Variants in RPS12 observed in about 807,000 individuals in gnomAD.
RPS12 encodes small ribosomal subunit protein eS12.
RPS12 carries 1 observed loss-of-function variant against 17.2 expected under a neutral mutation model. The observed-to-expected ratio is 0.06, with a 90% CI of 0.02 to 0.28. RPS12 has a LOEUF of 0.28. Ranked by LOEUF, RPS12 falls within the 10% of genes least tolerant of loss-of-function variation. The probability of loss-of-function intolerance (pLI) is 1.00; values close to 1 mark genes in which losing one functional copy is unlikely to be tolerated. For synonymous variants in RPS12, 67 were observed against 54.0 expected (o/e 1.24, Z -1.06); for missense variants, 146 against 162.1 (o/e 0.90, Z 0.54).
intron 3 of RPS12, chr6:132,815,395 C>CT (rs765460044): frequency 5.2e-6 from 3 of 572,352 alleles, no homozygotes; most frequent in Non-Finnish European, 1.0e-5. Context: ...GGTTGTGGAG[C>CT]TAGTCAGTCT....
intron 3 of RPS12, chr6:132,815,987 A>G (rs1782048692): frequency 4.5e-6 from 2 of 442,204 alleles, no homozygotes; most frequent in South Asian, 3.2e-5. Context: ...ACACGCCACC[A>G]TGCCCAGCTA....
At chr6:132,817,234 T>A (rs769599380) in intron 5 of RPS12, 173 bp downstream of exon 5, 1 of 768,720 alleles carries the variant, frequency 1.3e-6, no homozygotes, top group South Asian at 1.4e-5. Flanking sequence ...AGCCAATGAA[T>A]CTGCTTACCT....
chr6:132,816,617 G>A, intron 4 of RPS12, 54 bp downstream of exon 4: 1 of 1,204,334 alleles, frequency 8.3e-7, no homozygotes. Flanking sequence ...CTTGTATATG[G>A]GGGTAAATTC....
intron 3 of RPS12, 50 bp from the exon 4 acceptor site, chr6:132,816,411 G>T: frequency 7.2e-7 from 1 of 1,386,728 alleles, no homozygotes; most frequent in Non-Finnish European, 1.0e-6. Context: ...CAAGAATGAT[G>T]GATTTGGATC....
rs780198350 is a variant in RPS12, at chr6:132,817,203, A to G, written c.336+142A>G. On this transcript the variant is annotated intron_variant, in intron 5 of 5. Coordinates refer to ENST00000230050, the MANE Select transcript of RPS12 (RefSeq NM_001016.4). ...ATTTTCTGCATTTCAGGAAAAAAATAAAAGCTGTAATTTACAAGCCAGCCA... is the reference window on the plus strand; with the variant it reads ...ATTTTCTGCATTTCAGGAAAAAAATGAAAGCTGTAATTTACAAGCCAGCCA... 5 of 779,432 alleles carry G rather than the reference A, an allele frequency of 6.4e-6. No individual in the cohort carries two copies. The East Asian group carries it at 1.2e-4, about 19-fold the overall frequency. 48.3% of individuals were successfully genotyped at this position (779,432 alleles called of 1,614,324 possible).
rs905882169 is a variant in RPS12 at position 132,814,633 on chromosome 6, AG to A, written c.-38+26del. ...CTTGGGGTAAGTTGAGCGAGGCGGCAGGGGGGTGTATTGGTTATAATTTGTG... is the reference window on the plus strand; with the variant it reads ...CTTGGGGTAAGTTGAGCGAGGCGGCAGGGGGTGTATTGGTTATAATTTGTG... On this transcript the variant is annotated intron_variant, in intron 1 of 5. Coordinates refer to ENST00000230050, the MANE Select transcript of RPS12 (RefSeq NM_001016.4). 2.0e-5 allele frequency: 21 copies of A among 1,058,796 alleles called. No homozygotes were observed. The highest frequency in any genetic ancestry group is 2.0e-4 in the Middle Eastern group (1 of 4,954). The allele number at this position is 1,058,796 out of a possible 1,614,324, so 65.6% of individuals were successfully genotyped here.
chr6:132,816,754 C>T (rs141593134), intron 4 of RPS12, 191 bp downstream of exon 4: 4 of 767,182 alleles, frequency 5.2e-6, no homozygotes, highest in South Asian at 2.7e-5. Context: ...CTAATTTTGA[C>T]GTTGGTATAC....
rs752118332 is a variant in RPS12, at chr6:132,817,468, G to A, written c.337-12G>A. 1.3e-6 allele frequency: 2 copies of A among 1,552,670 alleles called. No homozygotes were observed. The highest frequency in any genetic ancestry group is 3.4e-5 in the Admixed American group (2 of 59,238). On this transcript the variant is annotated splice_polypyrimidine_tract_variant and intron_variant, in intron 5 of 5. Transcript: ENST00000230050. ...TAACAAGAAATTGCATGCGTGTTTT[G>A]TTTTTTTTAAGGACTATGGCAAGGA...
Position 132,814,614 on chromosome 6 carries a change from G to GT in RPS12, c.-38+2dup. On this transcript the variant is annotated splice_donor_variant, in intron 1 of 5. Coordinates refer to ENST00000230050, the MANE Select transcript of RPS12 (RefSeq NM_001016.4). LOFTEE classifies it low-confidence loss of function (5UTR_SPLICE). Reference sequence around the variant, plus strand: ...AGTCGCGCGGAGGCGGAGGCTTGGGGTAAGTTGAGCGAGGCGGCAGGGGGG... The same window carrying GT: ...AGTCGCGCGGAGGCGGAGGCTTGGGGTTAAGTTGAGCGAGGCGGCAGGGGGG... The GT allele has an allele frequency of 1.1e-6, 1 of 934,744 alleles. No homozygotes were observed. Among genetic ancestry groups the GT allele is most frequent in the East Asian group, 2.4e-5 (1 of 41,824 alleles). The allele number at this position is 934,744 out of a possible 1,614,324, so 57.9% of individuals were successfully genotyped here. A position where few individuals can be genotyped will look rare whatever the true frequency, so the allele number is the denominator to read the frequency against.
intron 3 of RPS12, 74 bp downstream of exon 3, chr6:132,815,162 G>GAC: frequency 1.0e-6 from 1 of 967,314 alleles, no homozygotes. Flanking sequence ...AGAAGGCATG[G>GAC]AGTTCATGGT....
chr6:132,815,182 A>C, intron 3 of RPS12, 94 bp downstream of exon 3: 1 of 833,498 alleles, frequency 1.2e-6, no homozygotes, highest in Middle Eastern at 2.2e-4. Context: ...TGTTAGCGCA[A>C]AAGTTCTGAA....
chr6:132,814,891 T>G (rs1782007877), intron 2 of RPS12, 81 bp from the exon 3 acceptor site: 1 of 1,403,756 alleles, frequency 7.1e-7, no homozygotes, highest in Non-Finnish European at 1.0e-6. Context: ...GCGCGTCTGT[T>G]GTACACTTAG....
chr6:132,815,867 G>C (rs1478720881), intron 3 of RPS12: 1 of 425,336 alleles, frequency 2.4e-6, no homozygotes, highest in African/African-American at 2.2e-5. Flanking sequence ...TTGAGACAAA[G>C]AGTCTTGCTC....
intron 5 of RPS12, 149 bp from the exon 6 acceptor site, chr6:132,817,331 C>A: frequency 1.3e-6 from 1 of 789,354 alleles, no homozygotes; most frequent in African/African-American, 1.7e-5. Flanking sequence ...GTTAAGGTCC[C>A]TGAGAATGGC....
intron 4 of RPS12, 184 bp from the exon 5 acceptor site, chr6:132,816,776 G>C (rs1229094664): frequency 1.3e-6 from 1 of 770,266 alleles, no homozygotes; most frequent in South Asian, 1.4e-5. Context: ...ACAAAGATTA[G>C]TAGCAGGCTT....
rs753087324 is a variant in RPS12 at position 132,814,797 on chromosome 6, C to G, written c.14+15C>G. 3.1e-6 allele frequency: 5 copies of G among 1,611,730 alleles called. No homozygotes were observed. The East Asian group carries it at 6.7e-5, about 22-fold the overall frequency. ...GCCGAGGAAGGGTGAGCCCAGGGGC[C>G]GGGGTTGGAGTTGGGGTCGGGGTGC... On this transcript the variant is annotated intron_variant, in intron 2 of 5. Transcript: ENST00000230050.
intron 3 of RPS12, chr6:132,815,415 C>T (rs774224666): frequency 5.6e-6 from 3 of 538,450 alleles, no homozygotes; most frequent in Non-Finnish European, 7.3e-6. Flanking sequence ...TTATACTTAT[C>T]TGGCAGATAG....
chr6:132,814,706 A>C, intron 1 of RPS12, 26 bp from the exon 2 acceptor site: 2 of 1,588,810 alleles, frequency 1.3e-6, no homozygotes, highest in South Asian at 1.1e-5. Context: ...CTGGTTCTTT[A>C]ACAAGTCAAT....
chr6:132,814,702 CT>C, intron 1 of RPS12, 29 bp from the exon 2 acceptor site: 1 of 1,578,910 alleles, frequency 6.3e-7, no homozygotes, highest in Admixed American at 1.7e-5. Context: ...GTATCTGGTT[CT>C]TTAACAAGTC....
Sources: allele counts gnomAD v4.1 joint callset, GRCh38; gene constraint gnomAD v4.1.1; transcripts MANE v1.5; gene names NCBI Gene and HGNC (gene_info 2026-07-23, HGNC 2026-07-21).